MUC4: variants seen among roughly 807,000 people sequenced by gnomAD.
MUC4 encodes the protein mucin 4, cell surface associated.
A neutral mutation model predicts 257.9 loss-of-function variants in MUC4; 202 were observed. The ratio of observed to expected loss-of-function variants is 0.78; its 90% CI spans 0.70 to 0.88. The LOEUF is 0.88. Among genes scored for constraint, MUC4 ranks in the 40% least tolerant of loss-of-function variants. The pLI, the probability that MUC4 is intolerant of heterozygous loss-of-function variation, is 0.00. For missense variants in MUC4, 5,976 were observed against 6,513.7 expected, an observed-to-expected ratio of 0.92 and a Z score of 2.84; for synonymous variants, 2,351 against 2,757.1, an observed-to-expected ratio of 0.85 and a Z score of 4.62.
intron 1 of MUC4, among the ~76,000 whole-genome samples, chr3:195,800,103 C>T (rs1357780866): frequency 2.0e-5 from 3 of 152,066 alleles, no homozygotes; most frequent in Non-Finnish European, 4.4e-5. Flanking sequence ...CATGATGAAA[C>T]CCCATCTCTA....
chr3:195,790,521 T>C lies in MUC4; in HGVS notation c.1059A>G (p.Leu353=), dbSNP rs988262631. Residue 353 remains leucine (L), a synonymous_variant, in exon 2 of 25, where the codon TTA becomes TTG. Coordinates refer to ENST00000463781, the MANE Select transcript of MUC4 (RefSeq NM_018406.7). The part of the protein sequence containing the change: ...TLTPVTTSTV[L]SSPSGFNPSG... ...TTGGGTTGAATCCACTTGGTGAGGA[T>C]AAAACAGTTGATGTTGTAACCGGTG... The C allele has an allele frequency of 1.9e-6, 3 of 1,613,902 alleles. No individual in the cohort carries two copies. The African/African-American group carries it at 4.0e-5, about 22-fold the overall frequency.
In MUC4 at chr3:195,788,757, C is replaced by G. The variant is rs759851698; in HGVS notation, c.2823G>C (p.Ser941=). The change falls in exon 2 of 25, where the codon TCG becomes TCC. Residue 941 remains serine, a synonymous_variant. Transcript: ENST00000463781. Reference sequence around the variant, plus strand: ...GAGATGTAAGCCCAGTGGATGTGATCGATGGAGGTGTGGGTGGGACTGTTG... The same window carrying G: ...GAGATGTAAGCCCAGTGGATGTGATGGATGGAGGTGTGGGTGGGACTGTTG... ...TFSTVPPTPP[S]ITSTGLTSPQ... The G allele has an allele frequency of 4.3e-6, 7 of 1,613,634 alleles. No individual in the cohort carries two copies. Among genetic ancestry groups the G allele is most frequent in the South Asian group, 1.1e-5 (1 of 91,080 alleles).
rs746638492 is a variant in MUC4, at chr3:195,750,889, G to A, written c.15871C>T (p.Leu5291=). 1.1e-5 allele frequency: 17 copies of A among 1,612,856 alleles called. No homozygotes were observed. The African/African-American group carries it at 1.5e-4, about 14-fold the overall frequency. Residue 5291 remains leucine (L), a splice_region_variant and synonymous_variant, in exon 23 of 25, where the codon CTG becomes TTG. Coordinates refer to ENST00000463781, the MANE Select transcript of MUC4 (RefSeq NM_018406.7). ...SGEDVRDVTA[L]NVSTLKAYFR... is the part of the protein sequence containing the mutation. ...GTGTCCCCGGAATGGACGGACTCAC[G>A]GGCTGTCACATCGCGCACGTCTTCC...
chr3:195,769,237 C>T (rs921796448), intron 6 of MUC4, 85 bp from the exon 7 acceptor site: 1 of 1,537,970 alleles, frequency 6.5e-7, no homozygotes, highest in Non-Finnish European at 8.8e-7. Flanking sequence ...GTCCCACAGC[C>T]CTGCTCTGAC....
At chr3:195,811,465 G>T (rs531603582) in intron 1 of MUC4, among the ~76,000 whole-genome samples, 1 of 151,972 alleles carries the variant, frequency 6.6e-6, no homozygotes. Context: ...GAGCCACCGC[G>T]CACGGCCTCC....
rs201939060 is a variant in MUC4, at chr3:195,784,043, G to C, written c.7537C>G (p.Leu2513Val). ...GCTGAGGGAGTGTCGGTGACAGGTA[G>C]AGGGGTGGTGTGACCTGTAGATGCT... ...SSASTGHTTPLPVTDTPSAST... is the reference protein window; with the variant it reads ...SSASTGHTTPVPVTDTPSAST... Residue 2513 changes from leucine to valine, a missense_variant, in exon 2 of 25, where the codon CTA becomes GTA. Around this residue, in one of 44 missense-constraint regions of MUC4, gnomAD observed 135 missense variants for 114.7 expected, o/e 1.18. Transcript: ENST00000463781. 3.4e-3 allele frequency: 5,210 copies of C among 1,524,988 alleles called. 168 individuals are homozygous for C. In the African/African-American group the frequency reaches 0.038, roughly 11 times the overall value. The allele number at this position is 1,524,988 out of a possible 1,614,324, so 94.5% of individuals were successfully genotyped here. A position where few individuals can be genotyped will look rare whatever the true frequency, so the allele number is the denominator to read the frequency against.
chr3:195,788,998 G>T lies in MUC4; in HGVS notation c.2582C>A (p.Thr861Lys). 1 of 1,613,836 alleles carries T rather than the reference G, an allele frequency of 6.2e-7. No homozygotes were observed. The highest frequency in any genetic ancestry group is 1.3e-5 in the African/African-American group (1 of 74,978). ...GGGGACGATCGAAGACGCCATTCCT[G>T]TGCTTACTGGGATGGCACCATGACT... ...SASHGAIPVS[T>K]GMASSIVPGT... The change falls in exon 2 of 25, where the codon ACA (threonine) becomes AAA (lysine). Residue 861 changes from threonine (T) to lysine (K), a missense_variant. By Grantham distance (78) the Thr-to-Lys change is moderately conservative. This residue lies in a region of MUC4 where 1,583 missense variants were observed against 1,257.4 expected (regional missense o/e 1.26). Coordinates refer to ENST00000463781, the MANE Select transcript of MUC4 (RefSeq NM_018406.7).
chr3:195,765,336 G>A lies in MUC4; in HGVS notation c.13732C>T (p.Gln4578Ter). 2.5e-6 allele frequency: 4 copies of A among 1,613,838 alleles called. No individual in the cohort carries two copies. The highest frequency in any genetic ancestry group is 2.5e-6 in the Non-Finnish European group (3 of 1,180,014). The change falls in exon 9 of 25, where the codon CAG becomes TAG. Residue 4578 changes from glutamine (Q) to a stop codon, truncating the protein, a stop_gained. Coordinates refer to ENST00000463781, the MANE Select transcript of MUC4 (RefSeq NM_018406.7). LOFTEE classifies it high-confidence loss of function. ...TGCCAGGAACAAGGGCAGGAGACCT[G>A]GTTCCAGCCCCAGCTGGGCCACCGA... ...QPRWPSWGWN[Q>*]VSCPCSWQQG... is the part of the protein sequence containing the mutation.
At chr3:195,799,131 G>A (rs1734957526) in intron 1 of MUC4, among the ~76,000 whole-genome samples, 1 of 152,062 alleles carries the variant, frequency 6.6e-6, no homozygotes, top group African/African-American at 2.4e-5. Context: ...ATGAGAGCTC[G>A]GGGGTCATGT....
In MUC4 at chr3:195,766,805, C is replaced by T. The variant is rs147027052; in HGVS notation, c.13530-54G>A. The T allele has an allele frequency of 2.6e-4, 406 of 1,544,102 alleles. 1 individual carries two copies. In the African/African-American group the frequency reaches 3.3e-3, roughly 12 times the overall value. ...CTGCCGTGCACAGGCTCTTGCCTCG[C>T]GGTTGCAAGGCGTCCATTCATCCCG... is the stretch of plus-strand genomic sequence containing the variant. On this transcript the variant is annotated intron_variant, in intron 7 of 24. Coordinates refer to ENST00000463781, the MANE Select transcript of MUC4 (RefSeq NM_018406.7).
intron 7 of MUC4, among the ~76,000 whole-genome samples, chr3:195,767,530 G>GCCACCACCATCACCACCATCACCA (rs1305767868): frequency 3.7e-5 from 2 of 53,506 alleles, no homozygotes; most frequent in Non-Finnish European, 6.8e-5. Flanking sequence ...CACCACCATC[G>GCCACCACCATCACCACCATCACCA]CCACCACCAT....
intron 7 of MUC4, among the ~76,000 whole-genome samples, chr3:195,767,724 C>T (rs1167431647): frequency 2.3e-4 from 1 of 4,272 alleles, no homozygotes; most frequent in African/African-American, 1.0e-3. Context: ...GCCACCACCA[C>T]CATCACCACC....
chr3:195,798,609 C>T (rs1422820855), intron 1 of MUC4, among the ~76,000 whole-genome samples: 1 of 126,118 alleles, frequency 7.9e-6, no homozygotes, highest in Non-Finnish European at 1.8e-5. Context: ...GAGGCTGAGG[C>T]AGGAGAATGG....
At chr3:195,765,471 A>G (rs749466088) in intron 8 of MUC4, 22 bp from the exon 9 acceptor site, 9 of 1,603,824 alleles carry the variant, frequency 5.6e-6, no homozygotes, top group Middle Eastern at 1.7e-4. Context: ...GATGGGGGGG[A>G]AAGGGCTTAT....
intron 2 of MUC4, 122 bp from the exon 3 acceptor site, chr3:195,778,577 C>T: frequency 7.3e-7 from 1 of 1,371,508 alleles, no homozygotes; most frequent in Non-Finnish European, 9.9e-7. Flanking sequence ...CTCCCCTGCT[C>T]ATATCCAAAC....
At chr3:195,749,313 G>A (rs867298578) in intron 23 of MUC4, among the ~76,000 whole-genome samples, 4 of 57,768 alleles carry the variant, frequency 6.9e-5, no homozygotes, top group Admixed American at 1.6e-4. Flanking sequence ...AAGTTTCCTA[G>A]GGAAAAAGGT....
intron 21 of MUC4, chr3:195,751,540 T>C: frequency 3.5e-6 from 2 of 570,568 alleles, no homozygotes; most frequent in Non-Finnish European, 3.1e-6. Flanking sequence ...GAATCTGACA[T>C]GAATGGCCCC....
rs1421204660 is a variant in MUC4, at chr3:195,786,031, G to T, written c.5549C>A (p.Ser1850Tyr). ...SLPVTIPSSASSGHTTSLPVT... is the reference protein window; with the variant it reads ...SLPVTIPSSAYSGHTTSLPVT... ...AGGAAGAGAGGTGGTGTGACCTGAAGATGCTGAGGAAGGGATGGTGACAGG... is the reference window on the plus strand; with the variant it reads ...AGGAAGAGAGGTGGTGTGACCTGAATATGCTGAGGAAGGGATGGTGACAGG... Residue 1850 changes from serine to tyrosine, a missense_variant, in exon 2 of 25, where the codon TCT becomes TAT. Physicochemically the swap from Ser to Tyr is moderately radical, Grantham distance 144 (BLOSUM62 -2). This residue lies in a region of MUC4 where 31 missense variants were observed against 71.1 expected (regional missense o/e 0.44). Transcript: ENST00000463781. 6.6e-7 allele frequency: 1 copy of T among 1,521,412 alleles called. No individual in the cohort carries two copies. The highest frequency in any genetic ancestry group is 1.2e-5 in the South Asian group (1 of 81,608). The allele number at this position is 1,521,412 out of a possible 1,614,324, so 94.2% of individuals were successfully genotyped here. A position where few individuals can be genotyped will look rare whatever the true frequency, so the allele number is the denominator to read the frequency against.
At position 195,778,287 on chromosome 3, in the gene MUC4, A is replaced by C. The variant is rs1307423334; in HGVS notation, c.12943+16T>G. On this transcript the variant is annotated intron_variant, in intron 3 of 24. Coordinates refer to ENST00000463781, the MANE Select transcript of MUC4 (RefSeq NM_018406.7). ...TCACCCCTCAAAAGGCACAGGCCTC[A>C]CCTGTATGGCCTCACCTCTCTCAGG... The C allele has an allele frequency of 6.2e-7, 1 of 1,600,648 alleles. No individual in the cohort carries two copies. The highest frequency in any genetic ancestry group is 8.5e-7 in the Non-Finnish European group (1 of 1,174,390).
Sources: allele counts gnomAD v4.1 joint callset (sites outside exome capture counted in the v4.1 genomes callset), GRCh38; gene constraint gnomAD v4.1.1; regional missense constraint gnomAD v4.1.1; transcripts MANE v1.5; gene names NCBI Gene and HGNC (gene_info 2026-07-23, HGNC 2026-07-21).